The following SEMA3A variants were observed in gnomAD, a reference collection of about 807,000 sequenced individuals.
The protein encoded by SEMA3A is semaphorin 3A.
In SEMA3A, 29 loss-of-function variants were observed where a neutral mutation model predicts 97.9. The ratio of observed to expected loss-of-function variants is 0.30; its 90% CI spans 0.22 to 0.40. The LOEUF (loss-of-function observed/expected upper bound fraction) is 0.40, where lower values mean the gene tolerates loss of function less well. SEMA3A is among the 10% of genes least tolerant of loss of function. The pLI is 1.00. For synonymous variants in SEMA3A, 321 were observed against 323.7 expected, an observed-to-expected ratio of 0.99 and a Z score of 0.09; for missense variants, 763 against 951.3, an observed-to-expected ratio of 0.80 and a Z score of 2.60.
chr7:84,229,216 A>G (rs900148972), intron 3 of SEMA3A, among the ~76,000 whole-genome samples: 15 of 152,166 alleles, frequency 9.9e-5, no homozygotes, highest in Non-Finnish European at 1.9e-4. Flanking sequence ...GAGCAGTAGT[A>G]TTTTCCCTTG....
intron 3 of SEMA3A, among the ~76,000 whole-genome samples, chr7:84,200,527 T>C (rs975178689): frequency 1.3e-5 from 2 of 152,142 alleles, no homozygotes; most frequent in African/African-American, 4.8e-5. Context: ...TTATGGTTAG[T>C]ATCCCACTTG....
Position 84,060,541 on chromosome 7 carries a change from C to T in SEMA3A, c.471G>A (p.Leu157=). The change falls in exon 5 of 17, where the codon CTG becomes CTA. Residue 157 remains leucine, a synonymous_variant. Transcript: ENST00000265362. ...GGCCGTTTTCAAAATGTGAGTTCTC[C>T]AGCTTAAAAATATTGTCCTGTGGAT... ...GHHPEDNIFK[L]ENSHFENGRG... is the part of the protein sequence containing the mutation. 1 of 1,591,288 alleles carries T rather than the reference C, an allele frequency of 6.3e-7. No homozygotes were observed. The highest frequency in any genetic ancestry group is 8.5e-7 in the Non-Finnish European group (1 of 1,171,670).
chr7:84,405,745 T>C (rs887939443), intron 1 of SEMA3A, among the ~76,000 whole-genome samples: 5 of 152,122 alleles, frequency 3.3e-5, no homozygotes, highest in Non-Finnish European at 7.3e-5. Flanking sequence ...AGAAACTCAC[T>C]CAAAACCACT....
chr7:84,267,194 A>C (rs1207779046), intron 3 of SEMA3A, among the ~76,000 whole-genome samples: 2 of 152,176 alleles, frequency 1.3e-5, no homozygotes, highest in Admixed American at 6.6e-5. Context: ...CTAAACCAGT[A>C]TAATACAAAT....
chr7:84,426,594 T>G (rs918806914), intron 1 of SEMA3A, among the ~76,000 whole-genome samples: 3 of 152,112 alleles, frequency 2.0e-5, no homozygotes, highest in Non-Finnish European at 4.4e-5. Context: ...TAGCATCACA[T>G]TTCTCTACTC....
At chr7:84,428,301 T>C (rs1804879876) in intron 1 of SEMA3A, among the ~76,000 whole-genome samples, 1 of 152,094 alleles carries the variant, frequency 6.6e-6, no homozygotes, top group Admixed American at 6.6e-5. Flanking sequence ...TTAGCAGTTA[T>C]TATAAATGTA....
chr7:84,107,099 A>C (rs116057364), intron 4 of SEMA3A, among the ~76,000 whole-genome samples: 2 of 152,134 alleles, frequency 1.3e-5, no homozygotes, highest in Admixed American at 6.5e-5. Flanking sequence ...AAACTCTATG[A>C]CAGTTTATGA....
intron 2 of SEMA3A, among the ~76,000 whole-genome samples, chr7:84,351,025 A>G (rs1802424292): frequency 6.6e-6 from 1 of 151,738 alleles, no homozygotes; most frequent in South Asian, 2.1e-4. Context: ...AAAGTTATAT[A>G]AACTTAGGGA....
chr7:84,340,082 T>G (rs1802126168), intron 2 of SEMA3A, among the ~76,000 whole-genome samples: 1 of 152,140 alleles, frequency 6.6e-6, no homozygotes, highest in Non-Finnish European at 1.5e-5. Flanking sequence ...ATTACCATAC[T>G]GTGATGTAGT....
At chr7:84,159,837 GATGTGAACAATTGTGTTCTA>G (rs149464212) in intron 1 of SEMA3A, among the ~76,000 whole-genome samples, 1,612 of 152,226 alleles carry the variant, frequency 0.011, 32 homozygotes, top group African/African-American at 0.037. Flanking sequence ...ATGCTAACTG[GATGTGAACAATTGTGTTCTA>G]ATGAGCTTAA....
At chr7:84,363,618 T>A (rs1313369747) in intron 2 of SEMA3A, among the ~76,000 whole-genome samples, 2 of 151,928 alleles carry the variant, frequency 1.3e-5, no homozygotes, top group Non-Finnish European at 2.9e-5. Flanking sequence ...AATTGGCCTA[T>A]TGTGAATGGC....
chr7:84,445,109 T>A (rs1174676097), intron 1 of SEMA3A, among the ~76,000 whole-genome samples: 1 of 152,064 alleles, frequency 6.6e-6, no homozygotes, highest in East Asian at 1.9e-4. Context: ...AATTTTGAAA[T>A]CCACATTTAG....
intron 4 of SEMA3A, among the ~76,000 whole-genome samples, chr7:84,105,029 G>A (rs566221016): frequency 6.6e-6 from 1 of 152,208 alleles, no homozygotes; most frequent in East Asian, 1.9e-4. Flanking sequence ...ATCTGATGGA[G>A]ACAATGAACA....
chr7:84,051,140 GT>G (rs1368087036), intron 5 of SEMA3A, among the ~76,000 whole-genome samples: 2 of 149,068 alleles, frequency 1.3e-5, no homozygotes, highest in African/African-American at 2.5e-5. Flanking sequence ...AAGTCAGGTA[GT>G]GTGATGCCTC....
chr7:84,437,978 T>G (rs1303235462), intron 1 of SEMA3A, among the ~76,000 whole-genome samples: 2 of 152,046 alleles, frequency 1.3e-5, no homozygotes, highest in Non-Finnish European at 2.9e-5. Flanking sequence ...AACATGAAAC[T>G]TGCTGGCTAA....
intron 4 of SEMA3A, among the ~76,000 whole-genome samples, chr7:84,062,531 C>T (rs984023667): frequency 2.6e-5 from 4 of 152,140 alleles, no homozygotes; most frequent in Admixed American, 6.5e-5. Context: ...CTACGGAGTG[C>T]GAGACAGTGG....
At chr7:84,468,099 C>T (rs187493371) in intron 1 of SEMA3A, among the ~76,000 whole-genome samples, 87 of 152,232 alleles carry the variant, frequency 5.7e-4, no homozygotes, top group Non-Finnish European at 4.4e-4. Flanking sequence ...TCTAGTCCAA[C>T]GAACTCATTG....
chr7:84,442,921 A>G (rs1265242877), intron 1 of SEMA3A, among the ~76,000 whole-genome samples: 1 of 152,158 alleles, frequency 6.6e-6, no homozygotes, highest in Non-Finnish European at 1.5e-5. Flanking sequence ...ATAAAGCTAT[A>G]ACAATTATAA....
At chr7:84,069,841 T>C (rs1028793658) in intron 4 of SEMA3A, among the ~76,000 whole-genome samples, 3 of 152,140 alleles carry the variant, frequency 2.0e-5, no homozygotes, top group African/African-American at 7.2e-5. Flanking sequence ...GTTTCTGTTA[T>C]CTAATGAGCA....
Sources: allele counts gnomAD v4.1 joint callset (sites outside exome capture counted in the v4.1 genomes callset), GRCh38; gene constraint gnomAD v4.1.1; transcripts MANE v1.5; gene names NCBI Gene and HGNC (gene_info 2026-07-23, HGNC 2026-07-21).